Variants in TAFA4 observed in about 807,000 individuals in gnomAD.
TAFA4 encodes the protein chemokine-like protein TAFA-4.
Under a neutral mutation model 21.1 loss-of-function variants are expected in TAFA4, and 20 were observed. That is an observed-to-expected ratio of 0.95 (90% CI 0.67 to 1.38). The LOEUF (loss-of-function observed/expected upper bound fraction) is 1.38. Ranked by LOEUF, TAFA4 falls within the 40% of genes most tolerant of loss-of-function variation. TAFA4 has a pLI of 0.00. For missense variants in TAFA4, 211 were observed against 180.9 expected (o/e 1.17, Z -0.95); for synonymous variants, 71 against 67.4 (o/e 1.05, Z -0.26).
At chr3:68,876,301 G>T (rs2089549220) in intron 3 of TAFA4, among the ~76,000 whole-genome samples, 1 of 152,122 alleles carries the variant, frequency 6.6e-6, no homozygotes, top group Non-Finnish European at 1.5e-5. Flanking sequence ...GATAAGCCTT[G>T]CCTACCCCCT....
At chr3:68,815,249 C>T (rs1430739077) in intron 3 of TAFA4, among the ~76,000 whole-genome samples, 3 of 152,254 alleles carry the variant, frequency 2.0e-5, no homozygotes, top group Admixed American at 1.3e-4. Flanking sequence ...AGGACATAGG[C>T]ATGGGCAAGG....
intron 3 of TAFA4, among the ~76,000 whole-genome samples, chr3:68,802,486 A>G (rs887743601): frequency 2.6e-5 from 4 of 151,826 alleles, no homozygotes; most frequent in Non-Finnish European, 1.5e-5. Context: ...TTTCAACATG[A>G]GTTTAGAACA....
At chr3:68,860,861 T>C (rs922228403) in intron 3 of TAFA4, among the ~76,000 whole-genome samples, 20 of 152,122 alleles carry the variant, frequency 1.3e-4, no homozygotes, top group African/African-American at 4.3e-4. Context: ...CACATCATCA[T>C]TGGGCTGTGA....
intron 3 of TAFA4, among the ~76,000 whole-genome samples, chr3:68,836,348 T>A (rs1704523239): frequency 6.6e-6 from 1 of 152,196 alleles, no homozygotes; most frequent in African/African-American, 2.4e-5. Context: ...TAACAGGGGA[T>A]AATAGCTGTT....
At chr3:68,789,707 C>T (rs1370732501) in intron 3 of TAFA4, among the ~76,000 whole-genome samples, 3 of 152,070 alleles carry the variant, frequency 2.0e-5, no homozygotes, top group Admixed American at 6.5e-5. Context: ...TTTTCTGATT[C>T]GTTCACTGCC....
intron 1 of TAFA4, among the ~76,000 whole-genome samples, chr3:68,910,982 T>A (rs780979834): frequency 2.0e-5 from 3 of 152,236 alleles, no homozygotes; most frequent in Middle Eastern, 3.2e-3. Context: ...TATGATAGAT[T>A]TTGCCTGAAA....
At chr3:68,766,117 T>A (rs532340298) in intron 3 of TAFA4, among the ~76,000 whole-genome samples, 65 of 152,000 alleles carry the variant, frequency 4.3e-4, no homozygotes, top group African/African-American at 1.3e-3. Flanking sequence ...AACATACCAA[T>A]AATAGTAGTA....
intron 3 of TAFA4, among the ~76,000 whole-genome samples, chr3:68,864,059 G>A (rs1302032445): frequency 6.7e-6 from 1 of 150,104 alleles, no homozygotes; most frequent in Non-Finnish European, 1.5e-5. Context: ...ATATTTCTAA[G>A]ACACCGAAAG....
chr3:68,853,243 T>A (rs1238311412), intron 3 of TAFA4, among the ~76,000 whole-genome samples: 2 of 152,172 alleles, frequency 1.3e-5, no homozygotes, highest in African/African-American at 4.8e-5. Context: ...AAAAAACTTT[T>A]TTTTCTCTGC....
At chr3:68,738,290 C>T (rs1299810285) in intron 5 of TAFA4, among the ~76,000 whole-genome samples, 6 of 152,124 alleles carry the variant, frequency 3.9e-5, no homozygotes, top group African/African-American at 1.2e-4. Flanking sequence ...GGTGGTTTGG[C>T]CATGTTACAC....
In TAFA4 at chr3:68,900,268, T is replaced by C. The variant is rs981381429; in HGVS notation, c.-122-14958A>G. Among the ~76,000 whole-genome samples, 7 of 78,828 alleles carry C rather than the reference T, an allele frequency of 8.9e-5. No individual in the cohort carries two copies. The South Asian group carries it at 1.3e-3, about 15-fold the overall frequency. 51.7% of individuals were successfully genotyped at this position (78,828 alleles called of 152,430 possible). On this transcript the variant is annotated intron_variant, in intron 1 of 5. Coordinates refer to ENST00000295569, the MANE Select transcript of TAFA4 (RefSeq NM_182522.5). ...ATAATAATAATAATAATAATAATAA[T>C]AATAATAATAATAACAATAATAATA...
At chr3:68,872,804 A>G (rs2089498904) in intron 3 of TAFA4, among the ~76,000 whole-genome samples, 1 of 152,152 alleles carries the variant, frequency 6.6e-6, no homozygotes, top group Non-Finnish European at 1.5e-5. Flanking sequence ...TGTAATACTC[A>G]CTTCCAGGAA....
chr3:68,733,126 C>T lies in TAFA4; in HGVS notation c.*16G>A, dbSNP rs200862323. The stretch of plus-strand genomic sequence containing the variant: ...TCCTGCTGCCCCTCCAGGATTGAAG[C>T]ACACCTCTCTCTTCGCTACCGCGTT... On this transcript the variant is annotated 3_prime_UTR_variant, in exon 6 of 6. Coordinates refer to ENST00000295569, the MANE Select transcript of TAFA4 (RefSeq NM_182522.5). The T allele has an allele frequency of 3.1e-6, 5 of 1,612,942 alleles. No homozygotes were observed. Among genetic ancestry groups the T allele is most frequent in the East Asian group, 4.5e-5 (2 of 44,860 alleles).
intron 3 of TAFA4, among the ~76,000 whole-genome samples, chr3:68,791,805 G>A (rs1291504506): frequency 6.6e-6 from 1 of 152,214 alleles, no homozygotes; most frequent in African/African-American, 2.4e-5. Flanking sequence ...TCCCAGAGGA[G>A]CAGCAGCTTT....
At chr3:68,859,518 C>T (rs2089303235) in intron 3 of TAFA4, among the ~76,000 whole-genome samples, 1 of 152,266 alleles carries the variant, frequency 6.6e-6, no homozygotes, top group African/African-American at 2.4e-5. Context: ...AAAACTTAAT[C>T]AGCTGTAAAT....
At chr3:68,779,721 C>T (rs1319228190) in intron 3 of TAFA4, among the ~76,000 whole-genome samples, 1 of 152,208 alleles carries the variant, frequency 6.6e-6, no homozygotes, top group Non-Finnish European at 1.5e-5. Context: ...CACCTGGATG[C>T]CCAGGCAGAA....
At chr3:68,744,102 CTCTTCCTCAGACTAACTT>C (rs1400378377) in intron 4 of TAFA4, among the ~76,000 whole-genome samples, 2 of 152,206 alleles carry the variant, frequency 1.3e-5, no homozygotes, top group African/African-American at 4.8e-5. Context: ...GTCTTCAAAA[CTCTTCCTCAGACTAACTT>C]TCTTCCACTC....
In TAFA4 at chr3:68,804,732, G is replaced by A. The variant is rs189013243; in HGVS notation, c.131-51714C>T. Among the ~76,000 whole-genome samples the A allele has an allele frequency of 5.4e-3, 818 of 152,292 alleles. 8 individuals carry two copies. The highest frequency in any genetic ancestry group is 0.018 in the African/African-American group (757 of 41,566). On this transcript the variant is annotated intron_variant, in intron 3 of 5. Transcript: ENST00000295569. Reference sequence around the variant, plus strand: ...ATTCCCTATTTAATAAATGGTGCTGGGAAACCTGGCTAGCCATGTGTAGAA... The same window carrying A: ...ATTCCCTATTTAATAAATGGTGCTGAGAAACCTGGCTAGCCATGTGTAGAA...
chr3:68,836,875 T>A (rs1293687295), intron 3 of TAFA4, among the ~76,000 whole-genome samples: 1 of 152,188 alleles, frequency 6.6e-6, no homozygotes, highest in East Asian at 1.9e-4. Context: ...TCTCCTAGGA[T>A]TTGAATGAAT....
Sources: allele counts gnomAD v4.1 joint callset (sites outside exome capture counted in the v4.1 genomes callset), GRCh38; gene constraint gnomAD v4.1.1; transcripts MANE v1.5; gene names NCBI Gene and HGNC (gene_info 2026-07-23, HGNC 2026-07-21).